Variants in KLHL6 observed in about 807,000 individuals in gnomAD.
KLHL6 encodes the protein kelch like family member 6.
In KLHL6, 41 loss-of-function variants were observed where a neutral mutation model predicts 58.6. The observed-to-expected ratio is 0.70, with a 90% CI of 0.55 to 0.91. The LOEUF is 0.91. Among genes scored for constraint, KLHL6 ranks in the 40% least tolerant of loss-of-function variants. The pLI is 0.00. For synonymous variants in KLHL6, 338 were observed against 322.7 expected (o/e 1.05, Z -0.51); for missense variants, 714 against 805.6 (o/e 0.89, Z 1.38).
intron 2 of KLHL6, among the ~76,000 whole-genome samples, chr3:183,524,695 A>C (rs1400358258): frequency 1.3e-5 from 2 of 152,202 alleles, no homozygotes; most frequent in African/African-American, 4.8e-5. Context: ...GGAGAGAAGC[A>C]ATTGGTGGGT....
At position 183,502,409 on chromosome 3, in the gene KLHL6, T is replaced by C. The variant is rs6784429; in HGVS notation, c.910-2582A>G. 5.1e-3 allele frequency among the ~76,000 whole-genome samples: 775 copies of C among 152,252 alleles called. 10 individuals are homozygous for C. The highest frequency in any genetic ancestry group is 0.017 in the African/African-American group (719 of 41,528). ...CATCCACGATGGCCCCAGTGATCCC[T>C]GCTTCCTGGTATTCACATCTGTGTA... On this transcript the variant is annotated intron_variant, in intron 3 of 6. Coordinates refer to ENST00000341319, the MANE Select transcript of KLHL6 (RefSeq NM_130446.4).
In KLHL6 at chr3:183,508,152, C is replaced by T. The variant is rs749480592; in HGVS notation, c.816G>A (p.Val272=). 1 of 1,614,220 alleles carries T rather than the reference C, an allele frequency of 6.2e-7. No individual in the cohort carries two copies. The highest frequency in any genetic ancestry group is 2.2e-5 in the East Asian group (1 of 44,886). ...RLPLLDPWYF[V]ETVEADPLIR... ...TGAGAGGATCTGCTTCCACCGTCTC[C>T]ACAAAGTACCACGGGTCCAGAAGCG... is the stretch of plus-strand genomic sequence containing the variant. The change falls in exon 3 of 7, where the codon GTG becomes GTA. Residue 272 remains valine, a synonymous_variant. Transcript: ENST00000341319.
chr3:183,506,120 T>C lies in KLHL6; in HGVS notation c.909+1939A>G, dbSNP rs147461483. On this transcript the variant is annotated intron_variant, in intron 3 of 6. Coordinates refer to ENST00000341319, the MANE Select transcript of KLHL6 (RefSeq NM_130446.4). ...GGCCTAATGAAGAAAGCCTGGTAGC[T>C]AATCCCAGAACCACTGCATAGTGAG... 5.3e-3 allele frequency among the ~76,000 whole-genome samples: 806 copies of C among 152,348 alleles called. 2 individuals are homozygous for C. Among genetic ancestry groups the C allele is most frequent in the South Asian group, 0.017 (81 of 4,832 alleles).
intron 1 of KLHL6, among the ~76,000 whole-genome samples, chr3:183,554,786 A>G (rs920137341): frequency 6.6e-6 from 1 of 152,238 alleles, no homozygotes; most frequent in Non-Finnish European, 1.5e-5. Context: ...ACAAGGAAAT[A>G]TACACAAAAG....
Position 183,555,693 on chromosome 3 carries a change from T to G in KLHL6, c.-40A>C. 3 of 1,533,606 alleles carry G rather than the reference T, an allele frequency of 2.0e-6. No homozygotes were observed. 95.0% of individuals were successfully genotyped at this position (1,533,606 alleles called of 1,614,324 possible). A position where few individuals can be genotyped will look rare whatever the true frequency, so the allele number is the denominator to read the frequency against. ...CGCCCAAGTGTCAGGCAGGCCCCAT[T>G]GCAGGAGCTGAGCGGATTTCCTGTG... On this transcript the variant is annotated 5_prime_UTR_variant, in exon 1 of 7. Transcript: ENST00000341319.
chr3:183,551,573 G>T (rs1412424554), intron 1 of KLHL6, among the ~76,000 whole-genome samples: 1 of 152,202 alleles, frequency 6.6e-6, no homozygotes, highest in African/African-American at 2.4e-5. Context: ...GTAAACTCTT[G>T]TTGTGATAAC....
At chr3:183,503,759 A>G (rs1245291205) in intron 3 of KLHL6, among the ~76,000 whole-genome samples, 3 of 152,242 alleles carry the variant, frequency 2.0e-5, no homozygotes, top group African/African-American at 7.2e-5. Flanking sequence ...AGCCTGGGCA[A>G]CAAGAACAAA....
At chr3:183,541,076 A>AT (rs1712537815) in intron 1 of KLHL6, among the ~76,000 whole-genome samples, 1 of 152,022 alleles carries the variant, frequency 6.6e-6, no homozygotes, top group African/African-American at 2.4e-5. Flanking sequence ...CTGCTTAAAG[A>AT]TTTTTTCTGA....
intron 3 of KLHL6, among the ~76,000 whole-genome samples, chr3:183,504,165 C>G (rs41356154): frequency 0.072 from 10,916 of 152,230 alleles, 1,350 homozygotes; most frequent in African/African-American, 0.25. Context: ...CAACAATAAA[C>G]GAACCAAGTG....
At chr3:183,531,258 GT>G (rs1712149083) in intron 1 of KLHL6, among the ~76,000 whole-genome samples, 1 of 151,998 alleles carries the variant, frequency 6.6e-6, no homozygotes, top group African/African-American at 2.4e-5. Flanking sequence ...GGGAGGGGTT[GT>G]TGGGAGGACT....
chr3:183,510,166 G>A (rs1283203337), intron 2 of KLHL6, among the ~76,000 whole-genome samples: 1 of 152,028 alleles, frequency 6.6e-6, no homozygotes, highest in Non-Finnish European at 1.5e-5. Flanking sequence ...TTGTTCTCTG[G>A]AGCTTAGCTT....
At position 183,492,383 on chromosome 3, in the gene KLHL6, A is replaced by C. The variant is rs1717586822; in HGVS notation, c.1564+111T>G. ...TCTCCTGAAAGCCAGAGTGGGTCCT[A>C]GGGGCAGTGAGTTGCCAGCGCTGGA... is the stretch of plus-strand genomic sequence containing the variant. On this transcript the variant is annotated intron_variant, in intron 6 of 6. Coordinates refer to ENST00000341319, the MANE Select transcript of KLHL6 (RefSeq NM_130446.4). The surrounding 1 kb of genome is among the most constrained non-coding windows in gnomAD (Gnocchi z 5.9). 1 of 1,335,040 alleles carries C rather than the reference A, an allele frequency of 7.5e-7. No individual in the cohort carries two copies. 82.7% of individuals were successfully genotyped at this position (1,335,040 alleles called of 1,614,324 possible).
chr3:183,489,139 A>G lies in KLHL6; in HGVS notation c.*2788T>C, dbSNP rs1185200127. The G allele has an allele frequency of 6.6e-6, 1 of 152,220 alleles. No homozygotes were observed. Among genetic ancestry groups the G allele is most frequent in the Non-Finnish European group, 1.5e-5 (1 of 68,032 alleles). 9.4% of individuals were successfully genotyped at this position (152,220 alleles called of 1,614,324 possible). A position where few individuals can be genotyped will look rare whatever the true frequency, so the allele number is the denominator to read the frequency against. ...GAAGTTTGCCTATGGGTCTTATCAA[A>G]GGACCGCCATCCCCTCCCTGACTAG... is the stretch of plus-strand genomic sequence containing the variant. On this transcript the variant is annotated 3_prime_UTR_variant, in exon 7 of 7. Coordinates refer to ENST00000341319, the MANE Select transcript of KLHL6 (RefSeq NM_130446.4).
At chr3:183,521,479 G>A (rs1432490687) in intron 2 of KLHL6, 1 of 152,324 alleles carries the variant, frequency 6.6e-6, no homozygotes, top group East Asian at 1.9e-4. Context: ...CCTCCCCGGA[G>A]GCCCTAGCTG....
chr3:183,555,313 T>C (rs1258723341), intron 1 of KLHL6, 48 bp downstream of exon 1: 2 of 1,560,762 alleles, frequency 1.3e-6, no homozygotes, highest in Non-Finnish European at 1.8e-6. Context: ...AACACACCTC[T>C]TCCTTGCAAC....
At chr3:183,506,017 C>G (rs1164786766) in intron 3 of KLHL6, among the ~76,000 whole-genome samples, 1 of 152,084 alleles carries the variant, frequency 6.6e-6, no homozygotes, top group Non-Finnish European at 1.5e-5. Flanking sequence ...GAAAAGAACA[C>G]ACAGAAAAAG....
chr3:183,512,251 AG>A (rs756961369), intron 2 of KLHL6, among the ~76,000 whole-genome samples: 3 of 152,190 alleles, frequency 2.0e-5, no homozygotes, highest in Non-Finnish European at 4.4e-5. Context: ...CGTTTGCGTG[AG>A]GGGAAGAGGA....
At chr3:183,550,218 C>CA (rs921449365) in intron 1 of KLHL6, among the ~76,000 whole-genome samples, 1 of 152,046 alleles carries the variant, frequency 6.6e-6, no homozygotes, top group Admixed American at 6.5e-5. Flanking sequence ...GGATGGACAA[C>CA]AGGAGAGAGA....
intron 2 of KLHL6, among the ~76,000 whole-genome samples, chr3:183,524,993 T>C (rs1221467260): frequency 6.6e-6 from 1 of 152,150 alleles, no homozygotes; most frequent in Non-Finnish European, 1.5e-5. Context: ...TGGCTGGGCA[T>C]GGTGGTTCAC....
Sources: allele counts gnomAD v4.1 joint callset (sites outside exome capture counted in the v4.1 genomes callset), GRCh38; gene constraint gnomAD v4.1.1; non-coding constraint Gnocchi (gnomAD v3.1); transcripts MANE v1.5; gene names NCBI Gene and HGNC (gene_info 2026-07-23, HGNC 2026-07-21).